Variants in EGR3 observed in about 807,000 individuals in gnomAD.
EGR3 encodes the protein early growth response protein 3.
In EGR3, 4 loss-of-function variants were observed where a neutral mutation model predicts 22.4. That is an observed-to-expected ratio of 0.18 (90% CI 0.09 to 0.41). The LOEUF (loss-of-function observed/expected upper bound fraction) is 0.41, where lower values mean the gene tolerates loss of function less well. Among genes scored for constraint, EGR3 ranks in the 10% least tolerant of loss-of-function variants. The pLI is 1.00. For missense variants in EGR3, 315 were observed against 541.3 expected (o/e 0.58, Z 4.15); for synonymous variants, 219 against 226.8 (o/e 0.97, Z 0.31).
rs1197164780 is a variant in EGR3, at chr8:22,692,684, T to C, written c.154+107A>G. 88 of 1,383,880 alleles carry C rather than the reference T, an allele frequency of 6.4e-5. No individual in the cohort carries two copies. Among genetic ancestry groups the C allele is most frequent in the Non-Finnish European group, 7.9e-5 (80 of 1,016,318 alleles). 85.7% of individuals were successfully genotyped at this position (1,383,880 alleles called of 1,614,324 possible). ...ATCTATCCACCCATCCACCCATCCA[T>C]CCATCCATCCATCCATCCATCCATC... On this transcript the variant is annotated intron_variant, in intron 1 of 1. Transcript: ENST00000317216. This position sits in a 1 kb window ranked among gnomAD's most constrained non-coding sequence, Gnocchi z 6.2.
chr8:22,691,391 G>A lies in EGR3; in HGVS notation c.246C>T (p.Thr82=), dbSNP rs140392305. The A allele has an allele frequency of 8.1e-6, 13 of 1,614,056 alleles. No individual in the cohort carries two copies. The highest frequency in any genetic ancestry group is 2.7e-5 in the African/African-American group (2 of 74,932). ...GSFQPAPGNK[T]VTYLGKFAFD... ...AGGCGAACTTTCCCAAGTAGGTCACGGTCTTGTTGCCGGGGGCTGGCTGGA... is the reference window on the plus strand; with the variant it reads ...AGGCGAACTTTCCCAAGTAGGTCACAGTCTTGTTGCCGGGGGCTGGCTGGA... Residue 82 remains threonine, a synonymous_variant, in exon 2 of 2, where the codon ACC becomes ACT. Transcript: ENST00000317216.
rs1804022846 is a variant in EGR3 at position 22,693,000 on chromosome 8, C to T, written c.-56G>A. ...CCGCCGCCACCGCCGCCGCTCGCTC[C>T]TAACGCAGCTTCCAGGCAAGCGGCA... On this transcript the variant is annotated 5_prime_UTR_variant, in exon 1 of 2. The change abolishes the stop of an existing upstream ORF in the 5' untranslated region. Coordinates refer to ENST00000317216, the MANE Select transcript of EGR3 (RefSeq NM_004430.3). This position sits in a 1 kb window ranked among gnomAD's most constrained non-coding sequence, Gnocchi z 6.2. 6.4e-7 allele frequency: 1 copy of T among 1,556,188 alleles called. No homozygotes were observed. Among genetic ancestry groups the T allele is most frequent in the African/African-American group, 1.4e-5 (1 of 71,142 alleles).
rs760221687 is a variant in EGR3 at position 22,692,812 on chromosome 8, G to A, written c.133C>T (p.His45Tyr). 1.9e-6 allele frequency: 3 copies of A among 1,613,150 alleles called. No homozygotes were observed. Among genetic ancestry groups the A allele is most frequent in the Non-Finnish European group, 2.5e-6 (3 of 1,179,676 alleles). ...LFSGSSDSVV[H>Y]YNQMATENVM... ...TTACCTGTAGCCATCTGATTGTAAT[G>A]GACTACCGAGTCGCTGCTGCCGGAG... The change falls in exon 1 of 2, where the codon CAT (histidine) becomes TAT (tyrosine). Residue 45 changes from histidine to tyrosine, a missense_variant. Around this residue, in one of 4 missense-constraint regions of EGR3, gnomAD observed 227 missense variants for 303.6 expected, o/e 0.75. Transcript: ENST00000317216. This position sits in a 1 kb window ranked among gnomAD's most constrained non-coding sequence, Gnocchi z 6.2.
In EGR3 at chr8:22,692,466, G is replaced by T; in HGVS notation, c.154+325C>A. 2.1e-6 allele frequency: 3 copies of T among 1,424,254 alleles called. No individual in the cohort carries two copies. Among genetic ancestry groups the T allele is most frequent in the Non-Finnish European group, 2.7e-6 (3 of 1,093,932 alleles). The allele number at this position is 1,424,254 out of a possible 1,614,324, so 88.2% of individuals were successfully genotyped here. A position where few individuals can be genotyped will look rare whatever the true frequency, so the allele number is the denominator to read the frequency against. ...GCCCGGCGATCGGGCCCCCTGCGTG[G>T]TGAGGGAGAACCCCAGAGCCGCTCG... is the stretch of plus-strand genomic sequence containing the variant. On this transcript the variant is annotated intron_variant, in intron 1 of 1. Coordinates refer to ENST00000317216, the MANE Select transcript of EGR3 (RefSeq NM_004430.3). This position sits in a 1 kb window ranked among gnomAD's most constrained non-coding sequence, Gnocchi z 6.2.
Position 22,689,022 on chromosome 8 carries a change from T to C in EGR3, c.*1451A>G, listed in dbSNP as rs1803854873. The C allele has an allele frequency of 6.6e-6, 1 of 152,668 alleles. No homozygotes were observed. Among genetic ancestry groups the C allele is most frequent in the South Asian group, 2.1e-4 (1 of 4,828 alleles). 9.5% of individuals were successfully genotyped at this position (152,668 alleles called of 1,614,324 possible). ...ACACACATATCCATACATAGATGTG[T>C]ATATGTGTATATATGTACACTCACA... On this transcript the variant is annotated 3_prime_UTR_variant, in exon 2 of 2. Transcript: ENST00000317216.
rs147463752 is a variant in EGR3 at position 22,690,929 on chromosome 8, G to A, written c.708C>T (p.Asp236=). Residue 236 remains aspartate (D), a synonymous_variant, in exon 2 of 2, where the codon GAC becomes GAT. Transcript: ENST00000317216. ...TPLETIKAFK[D]KQIHPGFGSL... Reference sequence around the variant, plus strand: ...TGCCAAAGCCCGGGTGGATCTGCTTGTCTTTGAATGCCTTGATGGTCTCCA... The same window carrying A: ...TGCCAAAGCCCGGGTGGATCTGCTTATCTTTGAATGCCTTGATGGTCTCCA... The A allele has an allele frequency of 5.6e-4, 873 of 1,568,016 alleles. 2 individuals carry two copies. Among genetic ancestry groups the A allele is most frequent in the Non-Finnish European group, 7.1e-4 (823 of 1,155,032 alleles).
At position 22,692,328 on chromosome 8, in the gene EGR3, G is replaced by T; in HGVS notation, c.154+463C>A. The stretch of plus-strand genomic sequence containing the variant: ...TCTCCCACCGCGGGGACTCCACGCC[G>T]CACATGGCTCCATCCCGGGTGGGAG... On this transcript the variant is annotated intron_variant, in intron 1 of 1. Transcript: ENST00000317216. This position sits in a 1 kb window ranked among gnomAD's most constrained non-coding sequence, Gnocchi z 6.2. 6.6e-7 allele frequency: 1 copy of T among 1,512,572 alleles called. No individual in the cohort carries two copies. The highest frequency in any genetic ancestry group is 8.8e-7 in the Non-Finnish European group (1 of 1,137,124). 93.7% of individuals were successfully genotyped at this position (1,512,572 alleles called of 1,614,324 possible).
chr8:22,693,189 T>G lies in EGR3; in HGVS notation c.-245A>C. The stretch of plus-strand genomic sequence containing the variant: ...TAATCCTCTTGGGTGCCTCAGCTGG[T>G]GCGGTATGAGGCTGGGTCGTGGGGG... On this transcript the variant is annotated 5_prime_UTR_variant, in exon 1 of 2. Transcript: ENST00000317216. 4.1e-6 allele frequency: 1 copy of G among 241,194 alleles called. No individual in the cohort carries two copies. The highest frequency in any genetic ancestry group is 7.8e-6 in the Non-Finnish European group (1 of 128,700). The allele number at this position is 241,194 out of a possible 1,614,324, so 14.9% of individuals were successfully genotyped here. A position where few individuals can be genotyped will look rare whatever the true frequency, so the allele number is the denominator to read the frequency against.
Position 22,692,347 on chromosome 8 carries a change from G to A in EGR3, c.154+444C>T, listed in dbSNP as rs1585223568. The A allele has an allele frequency of 6.7e-7, 1 of 1,501,248 alleles. No homozygotes were observed. Among genetic ancestry groups the A allele is most frequent in the Non-Finnish European group, 8.8e-7 (1 of 1,132,966 alleles). The allele number at this position is 1,501,248 out of a possible 1,614,324, so 93.0% of individuals were successfully genotyped here. On this transcript the variant is annotated intron_variant, in intron 1 of 1. Transcript: ENST00000317216. This position sits in a 1 kb window ranked among gnomAD's most constrained non-coding sequence, Gnocchi z 6.2. ...CACGCCGCACATGGCTCCATCCCGG[G>A]TGGGAGGCTGAGGGAGTAAGGGGGG...
chr8:22,690,460 G>T lies in EGR3; in HGVS notation c.*13C>A, dbSNP rs1436540120. ...CACTGGAGGGGAAAAGTGGGGATCT[G>T]GGGGCCCGATCCTCAGGCGCAGGTG... is the stretch of plus-strand genomic sequence containing the variant. On this transcript the variant is annotated 3_prime_UTR_variant, in exon 2 of 2. Transcript: ENST00000317216. The T allele has an allele frequency of 3.2e-6, 5 of 1,585,076 alleles. No individual in the cohort carries two copies. Among genetic ancestry groups the T allele is most frequent in the East Asian group, 2.2e-5 (1 of 44,454 alleles).
rs927466336 is a variant in EGR3 at position 22,691,752 on chromosome 8, A to ACG, written c.155-272_155-271dup. On this transcript the variant is annotated intron_variant, in intron 1 of 1. Transcript: ENST00000317216. Reference sequence around the variant, plus strand: ...GCACACACTCACGTACCACACACACACGCGCGCGCGCGCGAGAAGCATTGT... The same window carrying ACG: ...GCACACACTCACGTACCACACACACACGCGCGCGCGCGCGCGAGAAGCATTGT... 36 of 984,386 alleles carry ACG rather than the reference A, an allele frequency of 3.7e-5. No homozygotes were observed. In the Admixed American group the frequency reaches 6.8e-4, roughly 19 times the overall value. The allele number at this position is 984,386 out of a possible 1,614,324, so 61.0% of individuals were successfully genotyped here.
chr8:22,691,804 G>C, intron 1 of EGR3: 6 of 985,444 alleles, frequency 6.1e-6, no homozygotes, highest in Non-Finnish European at 7.2e-6. Context: ...GGGCGGGCAG[G>C]TAGCTGCAGC....
chr8:22,688,847 G>C lies in EGR3; in HGVS notation c.*1626C>G, dbSNP rs1803849256. The C allele has an allele frequency of 6.5e-6, 1 of 152,678 alleles. No homozygotes were observed. The highest frequency in any genetic ancestry group is 2.1e-4 in the South Asian group (1 of 4,828). The allele number at this position is 152,678 out of a possible 1,614,324, so 9.5% of individuals were successfully genotyped here. A position where few individuals can be genotyped will look rare whatever the true frequency, so the allele number is the denominator to read the frequency against. The stretch of plus-strand genomic sequence containing the variant: ...ACGAGAAGGGCTGGCAGGACAGCTG[G>C]GGAAGAGGGGTGCCTGAGAAGAGGT... On this transcript the variant is annotated 3_prime_UTR_variant, in exon 2 of 2. Coordinates refer to ENST00000317216, the MANE Select transcript of EGR3 (RefSeq NM_004430.3).
Position 22,691,301 on chromosome 8 carries a change from C to T in EGR3, c.336G>A (p.Gly112=), listed in dbSNP as rs1438545474. 1 of 1,614,024 alleles carries T rather than the reference C, an allele frequency of 6.2e-7. No individual in the cohort carries two copies. Among genetic ancestry groups the T allele is most frequent in the Non-Finnish European group, 8.5e-7 (1 of 1,180,026 alleles). Residue 112 remains glycine, a synonymous_variant, in exon 2 of 2, where the codon GGG becomes GGA. Coordinates refer to ENST00000317216, the MANE Select transcript of EGR3 (RefSeq NM_004430.3). ...IISLMSAGIL[G]VPPASGALST... Reference sequence around the variant, plus strand: ...TGAGCGCCCCTGAAGCCGGGGGCACCCCCAAGATGCCGGCGCTCATGAGGC... The same window carrying T: ...TGAGCGCCCCTGAAGCCGGGGGCACTCCCAAGATGCCGGCGCTCATGAGGC...
intron 1 of EGR3, chr8:22,691,739 G>A (rs1349303460): frequency 4.3e-5 from 42 of 985,300 alleles, no homozygotes; most frequent in Non-Finnish European, 4.8e-5. Flanking sequence ...ACACACTCAC[G>A]TACCACACAC....
rs1385195861 is a variant in EGR3, at chr8:22,693,361, ACCGCCACCGCCGCCGCCG to A, written c.-435_-418del. The A allele has an allele frequency of 2.7e-5, 1 of 36,990 alleles. No homozygotes were observed. Among genetic ancestry groups the A allele is most frequent in the Non-Finnish European group, 4.9e-5 (1 of 20,532 alleles). 2.3% of individuals were successfully genotyped at this position (36,990 alleles called of 1,614,324 possible). ...CCCCCGATCTGCCACCGCCACCGCC[ACCGCCACCGCCGCCGCCG>A]CCGCCGCCGCCGCCGCCGCCTCTGC... On this transcript the variant is annotated 5_prime_UTR_variant, in exon 1 of 2. Transcript: ENST00000317216.
At chr8:22,691,538 C>T in intron 1 of EGR3, 56 bp from the exon 2 acceptor site, 1 of 1,581,570 alleles carries the variant, frequency 6.3e-7, no homozygotes, top group Non-Finnish European at 8.6e-7. Flanking sequence ...CGGCTCCGGG[C>T]CGCGGCGCCC....
rs1803995512 is a variant in EGR3 at position 22,692,218 on chromosome 8, C to T, written c.154+573G>A. ...CGTTCCCCGTGGCAGGCCCTCGCCC[C>T]GCGGGTGAACCCCCTCCTTCTCCCC... On this transcript the variant is annotated intron_variant, in intron 1 of 1. Transcript: ENST00000317216. The surrounding 1 kb of genome is among the most constrained non-coding windows in gnomAD (Gnocchi z 6.2). 1.4e-6 allele frequency: 2 copies of T among 1,431,820 alleles called. No homozygotes were observed. The highest frequency in any genetic ancestry group is 1.8e-6 in the Non-Finnish European group (2 of 1,099,130). 88.7% of individuals were successfully genotyped at this position (1,431,820 alleles called of 1,614,324 possible).
chr8:22,692,150 T>A lies in EGR3; in HGVS notation c.154+641A>T. The stretch of plus-strand genomic sequence containing the variant: ...GGCGGAAAACCGGCCGGTGTCTCCA[T>A]GGCGGGAGAGGCCGCCCTTCCCCAG... On this transcript the variant is annotated intron_variant, in intron 1 of 1. Coordinates refer to ENST00000317216, the MANE Select transcript of EGR3 (RefSeq NM_004430.3). The surrounding 1 kb of genome is among the most constrained non-coding windows in gnomAD (Gnocchi z 6.2). The A allele has an allele frequency of 7.3e-7, 1 of 1,376,772 alleles. No individual in the cohort carries two copies. The highest frequency in any genetic ancestry group is 9.3e-7 in the Non-Finnish European group (1 of 1,070,224). 85.3% of individuals were successfully genotyped at this position (1,376,772 alleles called of 1,614,324 possible).
Sources: allele counts gnomAD v4.1 joint callset, GRCh38; gene constraint gnomAD v4.1.1; regional missense constraint gnomAD v4.1.1; non-coding constraint Gnocchi (gnomAD v3.1); transcripts MANE v1.5; gene names NCBI Gene and HGNC (gene_info 2026-07-23, HGNC 2026-07-21).